The following BRINP3 variants were observed in gnomAD, a reference collection of about 807,000 sequenced individuals.
BRINP3 encodes BMP/retinoic acid inducible neural specific 3, also known as BMP/retinoic acid-inducible neural-specific protein 3.
In BRINP3, 19 loss-of-function variants were observed where a neutral mutation model predicts 71.0. The ratio of observed to expected loss-of-function variants is 0.27; its 90% CI spans 0.19 to 0.39. BRINP3 has a LOEUF of 0.39. Ranked by LOEUF, BRINP3 falls within the 10% of genes least tolerant of loss-of-function variation. The pLI is 1.00. For synonymous variants in BRINP3, 380 were observed against 337.7 expected (o/e 1.13, Z -1.37); for missense variants, 959 against 940.8 (o/e 1.02, Z -0.25).
At chr1:190,136,244 G>C (rs560248859) in intron 7 of BRINP3, among the ~76,000 whole-genome samples, 1 of 152,032 alleles carries the variant, frequency 6.6e-6, no homozygotes, top group South Asian at 2.1e-4. Flanking sequence ...GTTTTAAAAA[G>C]ATAATTAATA....
rs572318867 is a variant in BRINP3, at chr1:190,172,015, C to T, written c.962-11125G>A. Among the ~76,000 whole-genome samples, 6 of 150,816 alleles carry T rather than the reference C, an allele frequency of 4.0e-5. No individual in the cohort carries two copies. In the South Asian group the frequency reaches 6.4e-4, roughly 16 times the overall value. On this transcript the variant is annotated intron_variant, in intron 6 of 7. Coordinates refer to ENST00000367462, the MANE Select transcript of BRINP3 (RefSeq NM_199051.3). ...ACTCAGGAGGCTGAGGTGAGAGAAT[C>T]GCCTATCCCTAGGAGTTCGAGTTTA... is the stretch of plus-strand genomic sequence containing the variant.
At chr1:190,228,885 C>T (rs1040158265) in intron 5 of BRINP3, among the ~76,000 whole-genome samples, 2 of 151,910 alleles carry the variant, frequency 1.3e-5, no homozygotes, top group African/African-American at 2.4e-5. Context: ...CAATGCTTAA[C>T]AAAGCTTAGT....
At chr1:190,106,756 AC>A (rs1652205189) in intron 7 of BRINP3, among the ~76,000 whole-genome samples, 1 of 151,768 alleles carries the variant, frequency 6.6e-6, no homozygotes, top group Non-Finnish European at 1.5e-5. Flanking sequence ...TGAGTGGTAG[AC>A]ATTTTAAAAC....
rs188961700 is a variant in BRINP3 at position 190,464,800 on chromosome 1, C to T, written c.-50-9860G>A. On this transcript the variant is annotated intron_variant, in intron 1 of 7. Coordinates refer to ENST00000367462, the MANE Select transcript of BRINP3 (RefSeq NM_199051.3). ...ATACCGACCTCAGAAATGCATTCTT[C>T]TAGTCATATAACTCTGCTAAACCTG... Among the ~76,000 whole-genome samples, 812 of 152,022 alleles carry T rather than the reference C, an allele frequency of 5.3e-3. 6 individuals carry two copies. Among genetic ancestry groups the T allele is most frequent in the South Asian group, 7.7e-3 (37 of 4,832 alleles).
chr1:190,277,743 C>G (rs778483037), intron 3 of BRINP3, among the ~76,000 whole-genome samples: 33 of 151,620 alleles, frequency 2.2e-4, no homozygotes, highest in Non-Finnish European at 3.5e-4. Context: ...CAAAAATGGT[C>G]ATTAAATATA....
At chr1:190,177,381 T>C (rs931799163) in intron 6 of BRINP3, among the ~76,000 whole-genome samples, 32 of 144,620 alleles carry the variant, frequency 2.2e-4, no homozygotes, top group African/African-American at 7.2e-4. Context: ...GGTTTCACCG[T>C]GTTAGCCAGG....
chr1:190,245,245 CTT>C (rs544846382), intron 4 of BRINP3, among the ~76,000 whole-genome samples: 1 of 141,506 alleles, frequency 7.1e-6, no homozygotes. Context: ...CATTTCTTTT[CTT>C]TTTTTTTTTT....
intron 2 of BRINP3, among the ~76,000 whole-genome samples, chr1:190,395,380 G>A (rs2102326903): frequency 6.6e-6 from 1 of 151,558 alleles, no homozygotes; most frequent in East Asian, 1.9e-4. Context: ...AATTTTAACA[G>A]GAAAAAACTT....
intron 7 of BRINP3, among the ~76,000 whole-genome samples, chr1:190,152,797 C>A (rs1487263333): frequency 6.6e-6 from 1 of 152,024 alleles, no homozygotes; most frequent in African/African-American, 2.4e-5. Context: ...TATAGTCGTA[C>A]TCTGCCTAAA....
chr1:190,293,116 A>T (rs1663993045), intron 2 of BRINP3, among the ~76,000 whole-genome samples: 1 of 151,906 alleles, frequency 6.6e-6, no homozygotes, highest in South Asian at 2.1e-4. Context: ...GAGGTGCATC[A>T]TTAAGTTTTT....
intron 7 of BRINP3, among the ~76,000 whole-genome samples, chr1:190,155,950 T>G (rs1049955591): frequency 1.3e-5 from 2 of 152,050 alleles, no homozygotes; most frequent in Non-Finnish European, 2.9e-5. Context: ...TTTATAGCAG[T>G]GTGGAAGCAG....
intron 4 of BRINP3, among the ~76,000 whole-genome samples, chr1:190,244,352 T>A (rs1226212881): frequency 6.6e-6 from 1 of 152,116 alleles, no homozygotes; most frequent in Non-Finnish European, 1.5e-5. Context: ...TCTATAATTT[T>A]ATTTATCAAA....
chr1:190,352,959 A>G (rs1668493560), intron 2 of BRINP3, among the ~76,000 whole-genome samples: 3 of 151,758 alleles, frequency 2.0e-5, no homozygotes, highest in Admixed American at 2.0e-4. Context: ...TCTGTAACAT[A>G]CAGAGCTTCT....
chr1:190,429,789 A>T (rs189246838), intron 2 of BRINP3, among the ~76,000 whole-genome samples: 2 of 152,002 alleles, frequency 1.3e-5, no homozygotes, highest in Non-Finnish European at 1.5e-5. Context: ...CAGTTTCACC[A>T]TCTTGGCCAG....
At chr1:190,336,923 AT>A (rs1431574194) in intron 2 of BRINP3, among the ~76,000 whole-genome samples, 4 of 150,500 alleles carry the variant, frequency 2.7e-5, no homozygotes, top group Non-Finnish European at 5.9e-5. Context: ...ACCTAGAAAG[AT>A]ACCCACCAAG....
chr1:190,239,214 A>C (rs916003217), intron 4 of BRINP3, among the ~76,000 whole-genome samples: 5 of 152,150 alleles, frequency 3.3e-5, no homozygotes, highest in African/African-American at 1.2e-4. Context: ...GGGTGAAGAC[A>C]CAGAGCCAAA....
intron 2 of BRINP3, among the ~76,000 whole-genome samples, chr1:190,427,317 ACT>A (rs1673777324): frequency 6.6e-6 from 1 of 151,948 alleles, no homozygotes; most frequent in Non-Finnish European, 1.5e-5. Flanking sequence ...CTTTTAAAAT[ACT>A]CTGTGTGCAC....
At chr1:190,439,045 T>C (rs1026207950) in intron 2 of BRINP3, among the ~76,000 whole-genome samples, 2 of 151,912 alleles carry the variant, frequency 1.3e-5, no homozygotes, top group African/African-American at 2.4e-5. Context: ...TTTCTATCTA[T>C]TGTGTCTAAT....
intron 6 of BRINP3, among the ~76,000 whole-genome samples, chr1:190,168,696 C>A (rs1465840427): frequency 6.6e-6 from 1 of 152,088 alleles, no homozygotes; most frequent in East Asian, 1.9e-4. Context: ...TGACACAATT[C>A]CAGGAATTTG....
Sources: gnomAD v4.1 joint callset for allele counts (sites outside exome capture counted in the v4.1 genomes callset) on GRCh38, gnomAD v4.1.1 for gene constraint, MANE v1.5 for transcripts, NCBI Gene and HGNC (gene_info 2026-07-23, HGNC 2026-07-21) for gene names.